FSCN2: variants seen among roughly 807,000 people sequenced by gnomAD.
FSCN2 encodes the protein fascin actin-bundling protein 2, retinal.
A neutral mutation model predicts 37.8 loss-of-function variants in FSCN2; 46 were observed. The ratio of observed to expected loss-of-function variants is 1.22; its 90% CI spans 0.96 to 1.56. The LOEUF is 1.56. FSCN2 is among the 40% of genes most tolerant of loss of function. The probability of loss-of-function intolerance (pLI) is 0.00; values close to 1 mark genes in which losing one functional copy is unlikely to be tolerated. For synonymous variants in FSCN2, 351 were observed against 309.4 expected (o/e 1.13, Z -1.41); for missense variants, 844 against 730.4 (o/e 1.16, Z -1.79).
chr17:81,528,194 C>G (rs1004082805), upstream of FSCN2, among the ~76,000 whole-genome samples: 5 of 152,202 alleles, frequency 3.3e-5, no homozygotes, highest in Non-Finnish European at 7.4e-5. Flanking sequence ...ACCCTGCCCT[C>G]CAGCCCCGTA....
At chr17:81,519,039 C>T in the FSCN2 span, 1,479 of 152,298 alleles carry the variant, frequency 9.7e-3, 14 homozygotes, top group South Asian at 0.025. Flanking sequence ...ACCGGCTGTG[C>T]CTCGCCGCCC....
chr17:81,530,717 G>T, intron 1 of FSCN2: 2 of 441,232 alleles, frequency 4.5e-6, no homozygotes, highest in Non-Finnish European at 4.4e-6. Context: ...GATGGCAGAG[G>T]CCCCACCCTG....
rs1291639707 is a variant in FSCN2 at position 81,535,086 on chromosome 17, A to G, written c.861A>G (p.Leu287=). The part of the protein sequence containing the change: ...VNVSANQDDE[L]DHETFLMQID... ...TCTCAGCCAATCAGGATGATGAACT[A>G]GACCACGAGACCTTCCTGATGCAAA... The change falls in exon 2 of 5, where the codon CTA becomes CTG. Residue 287 remains leucine (L), a synonymous_variant. Transcript: ENST00000417245. 6.5e-7 allele frequency: 1 copy of G among 1,533,198 alleles called. No individual in the cohort carries two copies. Among genetic ancestry groups the G allele is most frequent in the East Asian group, 2.5e-5 (1 of 40,762 alleles). The allele number at this position is 1,533,198 out of a possible 1,614,324, so 95.0% of individuals were successfully genotyped here.
intron 2 of FSCN2, 35 bp from the exon 3 acceptor site, chr17:81,536,111 G>A: frequency 6.3e-7 from 1 of 1,598,438 alleles, no homozygotes; most frequent in Non-Finnish European, 8.5e-7. Context: ...CCCATCTCCT[G>A]CTGTCCTGAG....
chr17:81,532,563 ATGGTGATGGTGGTGATGATAG>A, intron 1 of FSCN2, among the ~76,000 whole-genome samples: 1 of 140,124 alleles, frequency 7.1e-6, no homozygotes, highest in African/African-American at 2.7e-5. Flanking sequence ...GATGGTGGTG[ATGGTGATGGTGGTGATGATAG>A]TGATGGTGAT....
At chr17:81,531,315 GTGA>G (rs147677430) in intron 1 of FSCN2, among the ~76,000 whole-genome samples, 1,959 of 35,932 alleles carry the variant, frequency 0.055, 126 homozygotes, top group African/African-American at 0.13. Context: ...GGTGGTGGTG[GTGA>G]TGATGGTGGT....
At chr17:81,516,700 G>A in the FSCN2 span, among the ~76,000 whole-genome samples, 2 of 152,216 alleles carry the variant, frequency 1.3e-5, no homozygotes, top group African/African-American at 2.4e-5. Flanking sequence ...GCCCAGCTTG[G>A]GGCTTGGTTC....
At chr17:81,516,649 G>T in the FSCN2 span, among the ~76,000 whole-genome samples, 72 of 152,334 alleles carry the variant, frequency 4.7e-4, no homozygotes, top group African/African-American at 1.6e-3. Context: ...TTTGGCTCAA[G>T]GGACAAGGCC....
rs1430613912 is a variant in FSCN2, at chr17:81,531,729, A to G, written c.826+2372A>G. Among the ~76,000 whole-genome samples the G allele has an allele frequency of 8.6e-4, 97 of 113,288 alleles. 9 individuals are homozygous for G. The highest frequency in any genetic ancestry group is 3.9e-3 in the African/African-American group (88 of 22,414). The allele number at this position is 113,288 out of a possible 152,430, so 74.3% of individuals were successfully genotyped here. The stretch of plus-strand genomic sequence containing the variant: ...GATGATAGTGATGGTGGTGATGGTG[A>G]TGGTGATGATGGTGATGATAGTGAT... On this transcript the variant is annotated intron_variant, in intron 1 of 4. Transcript: ENST00000417245.
intron 1 of FSCN2, among the ~76,000 whole-genome samples, chr17:81,531,255 GTGATGATGGTGGTGATGGCGGTGGTGA>G (rs2032551295): frequency 7.6e-4 from 87 of 115,028 alleles, no homozygotes; most frequent in Middle Eastern, 4.9e-3. Context: ...GATGGTGATG[GTGATGATGGTGGTGATGGCGGTGGTGA>G]TGGTGATGGT....
Position 81,528,755 on chromosome 17 carries a change from G to A in FSCN2, c.224G>A (p.Gly75Glu), listed in dbSNP as rs1461389350. 6.3e-7 allele frequency: 1 copy of A among 1,585,060 alleles called. No homozygotes were observed. The highest frequency in any genetic ancestry group is 1.3e-5 in the African/African-American group (1 of 74,434). Residue 75 changes from glycine to glutamate, a missense_variant, in exon 1 of 5, where the codon GGG becomes GAG. Gly to Glu is a moderately conservative substitution (Grantham distance 98). Transcript: ENST00000417245. ...LGRYLSAEED[G>E]RVACEAEQPG... The stretch of plus-strand genomic sequence containing the variant: ...CGCTACCTGTCGGCAGAAGAGGACG[G>A]GCGCGTGGCCTGTGAGGCAGAGCAG...
chr17:81,532,584 G>GTGATGGCGATGGTGA, intron 1 of FSCN2, among the ~76,000 whole-genome samples: 2 of 137,068 alleles, frequency 1.5e-5, no homozygotes, highest in East Asian at 2.2e-4. Context: ...GGTGATGATA[G>GTGATGGCGATGGTGA]TGATGGTGAT....
the FSCN2 span, among the ~76,000 whole-genome samples, chr17:81,522,442 G>A: frequency 6.1e-4 from 93 of 152,338 alleles, no homozygotes; most frequent in African/African-American, 2.1e-3. Flanking sequence ...GTGACACCAC[G>A]ATGGTGACCA....
rs187785142 is a variant in FSCN2, at chr17:81,533,076, G to T, written c.827-1976G>T. On this transcript the variant is annotated intron_variant, in intron 1 of 4. Transcript: ENST00000417245. The stretch of plus-strand genomic sequence containing the variant: ...GGCATGGAACCTCACGGCTTCCAAG[G>T]CAGCTGCAGCGTGGGTGGTGCCATA... Among the ~76,000 whole-genome samples the T allele has an allele frequency of 5.1e-3, 779 of 152,256 alleles. 4 individuals are homozygous for T. Among genetic ancestry groups the T allele is most frequent in the Admixed American group, 8.4e-3 (129 of 15,296 alleles).
intron 1 of FSCN2, among the ~76,000 whole-genome samples, chr17:81,532,766 G>GATGATGATGATA (rs2032742643): frequency 4.2e-5 from 4 of 94,254 alleles, no homozygotes; most frequent in African/African-American, 1.9e-4. Flanking sequence ...TGGTGATGGT[G>GATGATGATGATA]GTGATGGAGG....
At position 81,530,513 on chromosome 17, in the gene FSCN2, C is replaced by T. The variant is rs1439545298; in HGVS notation, c.826+1156C>T. On this transcript the variant is annotated intron_variant, in intron 1 of 4. Transcript: ENST00000417245. ...CCTGGCTCCATGCACCCCAGAGTGGCTCGGAGGTGGTCTGAAAAGGCGAGG... is the reference window on the plus strand; with the variant it reads ...CCTGGCTCCATGCACCCCAGAGTGGTTCGGAGGTGGTCTGAAAAGGCGAGG... The T allele has an allele frequency of 1.3e-5, 6 of 451,802 alleles. No homozygotes were observed. In the Admixed American group the frequency reaches 1.5e-4, roughly 12 times the overall value. 28.0% of individuals were successfully genotyped at this position (451,802 alleles called of 1,614,324 possible).
chr17:81,535,437 C>CCCATCT (rs2032824810), intron 2 of FSCN2, among the ~76,000 whole-genome samples: 1 of 128,902 alleles, frequency 7.8e-6, no homozygotes, highest in Non-Finnish European at 1.6e-5. Flanking sequence ...CATCACCATC[C>CCCATCT]CCACCATCCG....
At chr17:81,531,288 A>ATGGTGG (rs1383851358) in intron 1 of FSCN2, among the ~76,000 whole-genome samples, 1 of 48,178 alleles carries the variant, frequency 2.1e-5, no homozygotes, top group Non-Finnish European at 4.2e-5. Context: ...GGTGATGGTG[A>ATGGTGG]TGGTGGTGAT....
intron 2 of FSCN2, among the ~76,000 whole-genome samples, chr17:81,535,635 CCCATTA>C (rs1230550272): frequency 4.0e-5 from 4 of 99,400 alleles, no homozygotes; most frequent in Non-Finnish European, 8.5e-5. Context: ...CTCCACCATC[CCCATTA>C]CCATCTCCAC....
Sources: allele counts gnomAD v4.1 joint callset (sites outside exome capture counted in the v4.1 genomes callset), GRCh38; gene constraint gnomAD v4.1.1; transcripts MANE v1.5; gene names NCBI Gene and HGNC (gene_info 2026-07-23, HGNC 2026-07-21).